CCNY: variants seen among roughly 807,000 people sequenced by gnomAD.
The protein encoded by CCNY is cyclin-Y.
CCNY carries 19 observed loss-of-function variants against 42.8 expected under a neutral mutation model. The observed-to-expected ratio is 0.44, with a 90% CI of 0.31 to 0.65. The LOEUF (loss-of-function observed/expected upper bound fraction) is 0.65. Ranked by LOEUF, CCNY falls within the 30% of genes least tolerant of loss-of-function variation. CCNY has a pLI of 0.07. For synonymous variants in CCNY, 165 were observed against 162.7 expected, an observed-to-expected ratio of 1.01 and a Z score of -0.11; for missense variants, 370 against 437.3, an observed-to-expected ratio of 0.85 and a Z score of 1.37.
intron 5 of CCNY, among the ~76,000 whole-genome samples, chr10:35,527,074 A>T: frequency 7.3e-6 from 1 of 137,454 alleles, no homozygotes; most frequent in South Asian, 2.4e-4. Context: ...AAACACGAAT[A>T]TCCAGAAGCA....
At chr10:35,308,862 A>G (rs1168674333) in intron 3 of CCNY, among the ~76,000 whole-genome samples, 2 of 152,164 alleles carry the variant, frequency 1.3e-5, no homozygotes, top group Non-Finnish European at 2.9e-5. Context: ...GGCAATATTG[A>G]CAGGTGTCTG....
chr10:35,323,175 C>T lies in CCNY; in HGVS notation c.-9+72549C>T, dbSNP rs375414501. 1.7e-4 allele frequency among the ~76,000 whole-genome samples: 26 copies of T among 152,188 alleles called. No homozygotes were observed. The East Asian group carries it at 2.5e-3, about 15-fold the overall frequency. On this transcript the variant is annotated intron_variant, in intron 3 of 11. Coordinates refer to the CCNY transcript ENST00000374706. ...AACTCCTGACCTCAGGTGATCTGCC[C>T]GCCTCGGCCTCCCAAATTGCTAAGA... is the stretch of plus-strand genomic sequence containing the variant.
intron 1 of CCNY, among the ~76,000 whole-genome samples, chr10:35,406,867 C>G (rs1054028461): frequency 2.6e-5 from 4 of 151,872 alleles, no homozygotes; most frequent in South Asian, 4.2e-4. Flanking sequence ...GGCTGACCCC[C>G]CCCCACCTCC....
At position 35,570,299 on chromosome 10, in the gene CCNY, C is replaced by G. The variant is rs1841662098; in HGVS notation, c.*1129C>G. On this transcript the variant is annotated 3_prime_UTR_variant, in exon 10 of 10. Transcript: ENST00000374704. ...TTGAAGGGAAAAATGTTACTATTTA[C>G]TGAGGTATTTTTCACAGAATGATTG... The G allele has an allele frequency of 6.6e-6, 1 of 152,148 alleles. No individual in the cohort carries two copies. The highest frequency in any genetic ancestry group is 2.4e-5 in the African/African-American group (1 of 41,380). The allele number at this position is 152,148 out of a possible 1,614,324, so 9.4% of individuals were successfully genotyped here.
chr10:35,565,089 G>T (rs900887020), intron 8 of CCNY, among the ~76,000 whole-genome samples: 1 of 152,166 alleles, frequency 6.6e-6, no homozygotes, highest in East Asian at 1.9e-4. Context: ...CACTGAGAAG[G>T]TTCCCCCCAC....
At position 35,537,270 on chromosome 10, in the gene CCNY, G is replaced by A. The variant is rs188666966; in HGVS notation, c.579+7027G>A. Among the ~76,000 whole-genome samples, 220 of 152,350 alleles carry A rather than the reference G, an allele frequency of 1.4e-3. 2 individuals carry two copies. Among genetic ancestry groups the A allele is most frequent in the Non-Finnish European group, 2.4e-3 (164 of 68,030 alleles). ...ATGTATGGAAATGCCTGGATGTCCA[G>A]GCAAAAATTTGCTTCAGGGGCGGGG... On this transcript the variant is annotated intron_variant, in intron 7 of 9. Coordinates refer to ENST00000374704, the MANE Select transcript of CCNY (RefSeq NM_145012.6).
At chr10:35,475,286 A>G (rs2135351836) in intron 1 of CCNY, among the ~76,000 whole-genome samples, 1 of 152,278 alleles carries the variant, frequency 6.6e-6, no homozygotes, top group South Asian at 2.1e-4. Flanking sequence ...AAATACAGAG[A>G]ACGCCACAAA....
intron 1 of CCNY, among the ~76,000 whole-genome samples, chr10:35,456,763 A>AT (rs1055787630): frequency 7.2e-5 from 11 of 151,912 alleles, no homozygotes; most frequent in East Asian, 3.8e-4. Flanking sequence ...TACATTTTAG[A>AT]TTTTTTTTCC....
chr10:35,393,200 A>G (rs1010860173), intron 1 of CCNY, among the ~76,000 whole-genome samples: 4 of 152,034 alleles, frequency 2.6e-5, no homozygotes, highest in Non-Finnish European at 1.5e-5. Context: ...CGTCAGAGTA[A>G]TTTTTTCTTT....
chr10:35,549,103 A>AC (rs539948789), intron 7 of CCNY, among the ~76,000 whole-genome samples: 5,437 of 51,962 alleles, frequency 0.1, 326 homozygotes, highest in African/African-American at 0.24. Context: ...CACCCACCCC[A>AC]CCCCCCCCCG....
chr10:35,379,837 T>TA (rs996883196), intron 1 of CCNY, among the ~76,000 whole-genome samples: 2 of 152,162 alleles, frequency 1.3e-5, no homozygotes, highest in African/African-American at 4.8e-5. Context: ...GGAGGAAACT[T>TA]AGCTGGGCCA....
At chr10:35,532,842 AC>A (rs1337405110) in intron 7 of CCNY, among the ~76,000 whole-genome samples, 9 of 152,210 alleles carry the variant, frequency 5.9e-5, no homozygotes, top group Non-Finnish European at 1.3e-4. Context: ...TACTTCGACA[AC>A]ATGAAAAGCT....
chr10:35,521,331 G>A (rs947398307), intron 4 of CCNY, among the ~76,000 whole-genome samples: 1 of 152,180 alleles, frequency 6.6e-6, no homozygotes, highest in African/African-American at 2.4e-5. Flanking sequence ...GGTCCCCCAG[G>A]TCCCCTGAGT....
intron 4 of CCNY, 32 bp downstream of exon 4, chr10:35,516,655 TC>T: frequency 1.1e-6 from 1 of 947,548 alleles, no homozygotes; most frequent in Non-Finnish European, 1.5e-6. Context: ...CTTCCTTCCT[TC>T]CTTCCTTTTT....
chr10:35,537,198 G>T (rs576395586), intron 7 of CCNY, among the ~76,000 whole-genome samples: 1 of 152,362 alleles, frequency 6.6e-6, no homozygotes, highest in Admixed American at 6.5e-5. Flanking sequence ...CATTGAGCCT[G>T]CAGGTGTCCA....
chr10:35,517,015 A>G (rs969523702), intron 4 of CCNY, among the ~76,000 whole-genome samples: 16 of 152,118 alleles, frequency 1.1e-4, no homozygotes, highest in African/African-American at 3.6e-4. Flanking sequence ...TTCTAAATAA[A>G]ATGAGACTCC....
chr10:35,531,660 A>T (rs1333159367), intron 7 of CCNY, among the ~76,000 whole-genome samples: 1 of 152,244 alleles, frequency 6.6e-6, no homozygotes, highest in Non-Finnish European at 1.5e-5. Context: ...GAAACCATAG[A>T]TGAAATTAGT....
chr10:35,527,006 C>T (rs1399796229), intron 5 of CCNY, among the ~76,000 whole-genome samples: 1 of 152,128 alleles, frequency 6.6e-6, no homozygotes, highest in Non-Finnish European at 1.5e-5. Context: ...GTTTACAAAG[C>T]GTGGTTAGTC....
chr10:35,399,673 C>T (rs1837601914), intron 1 of CCNY, among the ~76,000 whole-genome samples: 1 of 152,210 alleles, frequency 6.6e-6, no homozygotes, highest in Admixed American at 6.5e-5. Context: ...GAGAGTCTGT[C>T]TCTACAAAAA....
Sources: allele counts gnomAD v4.1 joint callset (sites outside exome capture counted in the v4.1 genomes callset), GRCh38; gene constraint gnomAD v4.1.1; transcripts MANE v1.5; gene names NCBI Gene and HGNC (gene_info 2026-07-23, HGNC 2026-07-21).